The following OSBPL2 variants were observed in gnomAD, a reference collection of about 807,000 sequenced individuals.
OSBPL2 encodes the protein oxysterol-binding protein-related protein 2.
In OSBPL2, 18 loss-of-function variants were observed where a neutral mutation model predicts 58.4. The ratio of observed to expected loss-of-function variants is 0.31; its 90% confidence interval spans 0.21 to 0.46. The LOEUF (loss-of-function observed/expected upper bound fraction) is 0.46, where lower values mean the gene tolerates loss of function less well. Ranked by LOEUF, OSBPL2 falls within the 20% of genes least tolerant of loss-of-function variation. OSBPL2 has a pLI of 1.00. For synonymous variants in OSBPL2, 221 were observed against 234.1 expected, an observed-to-expected ratio of 0.94 and a Z score of 0.51; for missense variants, 461 against 616.5, an observed-to-expected ratio of 0.75 and a Z score of 2.67.
chr20:62,292,884 T>C (rs1180710552), intron 13 of OSBPL2, among the ~76,000 whole-genome samples: 2 of 148,174 alleles, frequency 1.3e-5, no homozygotes, highest in Non-Finnish European at 3.0e-5. Flanking sequence ...CTTTCCTCAT[T>C]TTTTTTTTTT....
chr20:62,256,765 C>T (rs1403047695), intron 2 of OSBPL2, among the ~76,000 whole-genome samples: 4 of 152,238 alleles, frequency 2.6e-5, no homozygotes, highest in Admixed American at 2.6e-4. Context: ...TTGCAGGGCT[C>T]ATGGGCATGT....
At chr20:62,239,410 G>A (rs74949489) in intron 1 of OSBPL2, among the ~76,000 whole-genome samples, 173 of 152,194 alleles carry the variant, frequency 1.1e-3, no homozygotes, top group African/African-American at 4.1e-3. Flanking sequence ...CAGCCTCCCC[G>A]CTTCATGGGA....
At chr20:62,253,610 A>G (rs558201418) in intron 1 of OSBPL2, among the ~76,000 whole-genome samples, 1 of 151,906 alleles carries the variant, frequency 6.6e-6, no homozygotes, top group East Asian at 1.9e-4. Context: ...AGTCCAGTCC[A>G]AGGTGCTGGT....
chr20:62,250,738 TAGAG>T (rs1249429218), intron 1 of OSBPL2, among the ~76,000 whole-genome samples: 1 of 151,858 alleles, frequency 6.6e-6, no homozygotes, highest in Non-Finnish European at 1.5e-5. Flanking sequence ...CTGGGCAAAA[TAGAG>T]AGACCCTGTC....
Position 62,279,353 on chromosome 20 carries a change from C to T in OSBPL2, c.674+14C>T, listed in dbSNP as rs762139274. 35 of 1,611,792 alleles carry T rather than the reference C, an allele frequency of 2.2e-5. 1 individual carries two copies. The Admixed American group carries it at 5.2e-4, about 24-fold the overall frequency. The stretch of plus-strand genomic sequence containing the variant: ...GGAGCTGCTCAAGTGAGTGTCGGTG[C>T]GTCCTGCTGAGATCCGCTTCCTGCA... On this transcript the variant is annotated intron_variant, in intron 7 of 13. Transcript: ENST00000313733.
Position 62,286,564 on chromosome 20 carries a change from G to T in OSBPL2, c.997-19G>T, listed in dbSNP as rs1384806255. 3 of 1,607,518 alleles carry T rather than the reference G, an allele frequency of 1.9e-6. No individual in the cohort carries two copies. The highest frequency in any genetic ancestry group is 2.6e-6 in the Non-Finnish European group (3 of 1,175,406). Reference sequence around the variant, plus strand: ...CGGCCTGGCCCCGGGCAGCCACACAGCAGGGTTCTGTGTTTCAGGATGAAG... The same window carrying T: ...CGGCCTGGCCCCGGGCAGCCACACATCAGGGTTCTGTGTTTCAGGATGAAG... On this transcript the variant is annotated intron_variant, in intron 10 of 13. Transcript: ENST00000313733.
intron 4 of OSBPL2, among the ~76,000 whole-genome samples, chr20:62,265,360 T>G (rs1981596122): frequency 6.6e-6 from 1 of 152,210 alleles, no homozygotes; most frequent in Non-Finnish European, 1.5e-5. Flanking sequence ...CTACCTTTGG[T>G]GTTGAGAGTT....
intron 1 of OSBPL2, among the ~76,000 whole-genome samples, chr20:62,254,637 G>C (rs996750580): frequency 2.6e-5 from 4 of 152,254 alleles, no homozygotes; most frequent in Non-Finnish European, 5.9e-5. Flanking sequence ...GCCGCTTGAG[G>C]GGTCACCCAG....
chr20:62,246,608 G>T (rs1472806385), intron 1 of OSBPL2, among the ~76,000 whole-genome samples: 1 of 152,150 alleles, frequency 6.6e-6, no homozygotes, highest in African/African-American at 2.4e-5. Flanking sequence ...CGCTAGGCTT[G>T]GACACGCAGG....
intron 1 of OSBPL2, among the ~76,000 whole-genome samples, chr20:62,254,213 G>A (rs1980767751): frequency 6.6e-6 from 1 of 152,168 alleles, no homozygotes; most frequent in Non-Finnish European, 1.5e-5. Flanking sequence ...TTGTCACATG[G>A]CAGTCAGATC....
intron 9 of OSBPL2, among the ~76,000 whole-genome samples, chr20:62,283,456 A>G (rs144498897): frequency 9.2e-5 from 14 of 152,186 alleles, no homozygotes; most frequent in Non-Finnish European, 1.8e-4. Context: ...GGAGTCTGGC[A>G]CTATTTGGCT....
chr20:62,289,702 G>A (rs1264321978), intron 12 of OSBPL2, among the ~76,000 whole-genome samples: 1 of 152,156 alleles, frequency 6.6e-6, no homozygotes, highest in Non-Finnish European at 1.5e-5. Flanking sequence ...TCAGGAGTTC[G>A]AAACCATCCT....
At chr20:62,291,211 G>T in intron 12 of OSBPL2, 1 of 114,304 alleles carries the variant, frequency 8.7e-6, no homozygotes, top group East Asian at 3.2e-4. Flanking sequence ...GTGTGACCTG[G>T]GAATGGATGT....
chr20:62,280,368 GC>G (rs1982702519), intron 7 of OSBPL2: 1 of 298,950 alleles, frequency 3.3e-6, no homozygotes, highest in South Asian at 2.9e-5. Context: ...TAATTAAGAG[GC>G]ATGCAGAAAT....
chr20:62,243,646 A>G (rs1441047802), intron 1 of OSBPL2, among the ~76,000 whole-genome samples: 1 of 152,012 alleles, frequency 6.6e-6, no homozygotes, highest in Non-Finnish European at 1.5e-5. Context: ...GGAGGGGCCC[A>G]GGAAGAGATG....
chr20:62,252,830 G>A (rs1013162009), intron 1 of OSBPL2, among the ~76,000 whole-genome samples: 2 of 152,264 alleles, frequency 1.3e-5, no homozygotes, highest in African/African-American at 2.4e-5. Context: ...GCGCGAGGAG[G>A]AGTGAGAGAG....
intron 3 of OSBPL2, among the ~76,000 whole-genome samples, chr20:62,260,452 A>T (rs1327726040): frequency 6.6e-6 from 1 of 152,192 alleles, no homozygotes; most frequent in East Asian, 1.9e-4. Flanking sequence ...CCTGGCAAAC[A>T]GTACATGGCG....
intron 1 of OSBPL2, among the ~76,000 whole-genome samples, chr20:62,244,453 C>T (rs1979956028): frequency 1.3e-5 from 2 of 152,216 alleles, no homozygotes; most frequent in South Asian, 4.1e-4. Flanking sequence ...GAGAGCAGGG[C>T]GCCCGTGAGC....
intron 4 of OSBPL2, among the ~76,000 whole-genome samples, chr20:62,270,201 G>A (rs928503912): frequency 6.6e-6 from 1 of 152,216 alleles, no homozygotes; most frequent in Non-Finnish European, 1.5e-5. Flanking sequence ...TGGTGCAGAC[G>A]AGGAGCCTGA....
Sources: allele counts gnomAD v4.1 joint callset (sites outside exome capture counted in the v4.1 genomes callset), GRCh38; gene constraint gnomAD v4.1.1; transcripts MANE v1.5; gene names NCBI Gene and HGNC (gene_info 2026-07-23, HGNC 2026-07-21).